Variants in L3MBTL4 observed in about 807,000 individuals in gnomAD.
The protein encoded by L3MBTL4 is lethal(3)malignant brain tumor-like protein 4.
Under a neutral mutation model 84.5 loss-of-function variants are expected in L3MBTL4, and 70 were observed. The ratio of observed to expected loss-of-function variants is 0.83; its 90% CI spans 0.68 to 1.01. L3MBTL4 has a LOEUF of 1.01. Among genes scored for constraint, L3MBTL4 ranks in the 50% least tolerant of loss-of-function variants. The pLI is 0.00. For synonymous variants in L3MBTL4, 274 were observed against 259.8 expected (o/e 1.05, Z -0.52); for missense variants, 715 against 754.8 (o/e 0.95, Z 0.62).
intron 17 of L3MBTL4, among the ~76,000 whole-genome samples, chr18:5,964,032 C>A (rs2052202745): frequency 1.3e-5 from 2 of 152,364 alleles, no homozygotes; most frequent in South Asian, 2.1e-4. Context: ...TGGCTCTGGG[C>A]AGTGCCTGGT....
intron 16 of L3MBTL4, among the ~76,000 whole-genome samples, chr18:6,002,179 C>A (rs1003189930): frequency 2.6e-5 from 4 of 152,088 alleles, no homozygotes; most frequent in African/African-American, 9.7e-5. Context: ...AATCATCAAC[C>A]TAGAATTCTA....
chr18:6,156,580 G>A lies in L3MBTL4; in HGVS notation c.1096+15248C>T, dbSNP rs78994933. Among the ~76,000 whole-genome samples the A allele has an allele frequency of 3.9e-3, 598 of 152,264 alleles. 4 individuals are homozygous for A. Among genetic ancestry groups the A allele is most frequent in the African/African-American group, 0.014 (580 of 41,546 alleles). ...TCTTCTGAAAGGGTTAAATCTCTCT[G>A]AGAAAAAGCTGAAAAGTCTCTGCGT... On this transcript the variant is annotated intron_variant, in intron 13 of 18. Coordinates refer to ENST00000317931, the MANE Select transcript of L3MBTL4 (RefSeq NM_001330559.2).
chr18:5,957,831 T>C (rs1364031021), intron 18 of L3MBTL4, among the ~76,000 whole-genome samples: 1 of 151,342 alleles, frequency 6.6e-6, no homozygotes, highest in African/African-American at 2.4e-5. Flanking sequence ...TAGCCAGGCG[T>C]AGTGGCATGC....
intron 16 of L3MBTL4, among the ~76,000 whole-genome samples, chr18:5,977,723 T>C (rs532673953): frequency 5.9e-5 from 9 of 152,082 alleles, no homozygotes; most frequent in Non-Finnish European, 1.3e-4. Context: ...ATCCCAGAAG[T>C]CTATCTTTAG....
chr18:6,060,605 T>A (rs2057180742), intron 16 of L3MBTL4, among the ~76,000 whole-genome samples: 1 of 152,118 alleles, frequency 6.6e-6, no homozygotes, highest in Non-Finnish European at 1.5e-5. Flanking sequence ...CAACTAAAAG[T>A]CCTTAGTTTA....
rs867799663 is a variant in L3MBTL4, at chr18:6,173,485, A to G, written c.982-1543T>C. On this transcript the variant is annotated intron_variant, in intron 12 of 18. Coordinates refer to ENST00000317931, the MANE Select transcript of L3MBTL4 (RefSeq NM_001330559.2). ...ATTGGAAAAGACAGAACTACAAAAA[A>G]GGGGGAACCAAAGGCAGGGTGCAGT... 5.9e-5 allele frequency among the ~76,000 whole-genome samples: 9 copies of G among 152,298 alleles called. No individual in the cohort carries two copies. The South Asian group carries it at 1.2e-3, about 21-fold the overall frequency.
chr18:6,093,067 G>A (rs1331811064), intron 15 of L3MBTL4, among the ~76,000 whole-genome samples: 1 of 152,104 alleles, frequency 6.6e-6, no homozygotes, highest in Non-Finnish European at 1.5e-5. Flanking sequence ...AGATAAAAGG[G>A]AATCTTTTGG....
chr18:6,388,546 G>T (rs1221884274), intron 1 of L3MBTL4, among the ~76,000 whole-genome samples: 1 of 152,196 alleles, frequency 6.6e-6, no homozygotes, highest in Admixed American at 6.5e-5. Flanking sequence ...AGTGGAGCCA[G>T]GGGATGCTGG....
chr18:5,954,922 TGTTTA>T lies in L3MBTL4; in HGVS notation c.*1293_*1297del, dbSNP rs2095218625. 6.6e-6 allele frequency: 1 copy of T among 152,186 alleles called. No individual in the cohort carries two copies. The allele number at this position is 152,186 out of a possible 1,614,324, so 9.4% of individuals were successfully genotyped here. A position where few individuals can be genotyped will look rare whatever the true frequency, so the allele number is the denominator to read the frequency against. Reference sequence around the variant, plus strand: ...TTATATATGCACACCTCTTAGAGTTTGTTTATTTTCTTCAGTGAAAAAAAAATGTA... The same window carrying T: ...TTATATATGCACACCTCTTAGAGTTTTTTTCTTCAGTGAAAAAAAAATGTA... On this transcript the variant is annotated 3_prime_UTR_variant, in exon 19 of 19. Coordinates refer to ENST00000317931, the MANE Select transcript of L3MBTL4 (RefSeq NM_001330559.2).
intron 13 of L3MBTL4, among the ~76,000 whole-genome samples, chr18:6,158,707 A>C (rs930992288): frequency 6.6e-6 from 1 of 152,214 alleles, no homozygotes; most frequent in African/African-American, 2.4e-5. Context: ...GAGATCCCAC[A>C]TGGCTACTTA....
chr18:6,011,895 A>G (rs1265016187), intron 16 of L3MBTL4, among the ~76,000 whole-genome samples: 1 of 152,232 alleles, frequency 6.6e-6, no homozygotes, highest in African/African-American at 2.4e-5. Context: ...ATTTTTAAGT[A>G]AAGGAAAAGT....
intron 5 of L3MBTL4, chr18:6,259,922 T>G (rs1484719192): frequency 2.0e-5 from 3 of 152,214 alleles, no homozygotes; most frequent in Non-Finnish European, 2.9e-5. Context: ...TAGTTTGAGG[T>G]CTTACATTTA....
chr18:6,160,588 C>T (rs1049580963), intron 13 of L3MBTL4, among the ~76,000 whole-genome samples: 2 of 151,932 alleles, frequency 1.3e-5, no homozygotes, highest in Admixed American at 6.6e-5. Context: ...AAAAATTAGC[C>T]GGGCTTGGTG....
intron 9 of L3MBTL4, 64 bp from the exon 10 acceptor site, chr18:6,238,104 T>C: frequency 7.2e-7 from 1 of 1,379,320 alleles, no homozygotes; most frequent in South Asian, 1.2e-5. Flanking sequence ...AATTCAAGAG[T>C]AACAATCATT....
intron 12 of L3MBTL4, among the ~76,000 whole-genome samples, chr18:6,192,916 C>T (rs897530362): frequency 2.6e-5 from 4 of 151,612 alleles, no homozygotes; most frequent in Non-Finnish European, 5.9e-5. Flanking sequence ...GGAGTTCATG[C>T]CGTGTAAAGA....
intron 1 of L3MBTL4, among the ~76,000 whole-genome samples, chr18:6,338,675 A>G (rs1261365822): frequency 6.6e-6 from 1 of 152,086 alleles, no homozygotes; most frequent in Non-Finnish European, 1.5e-5. Flanking sequence ...AAGGAGTCAA[A>G]TACTCTAATT....
chr18:6,369,117 C>T (rs773598790), intron 1 of L3MBTL4, among the ~76,000 whole-genome samples: 8 of 151,316 alleles, frequency 5.3e-5, no homozygotes, highest in Non-Finnish European at 7.4e-5. Flanking sequence ...AGAAGGTGAG[C>T]GAGGGCTGCA....
At chr18:6,278,052 AT>A (rs1229462090) in intron 4 of L3MBTL4, among the ~76,000 whole-genome samples, 1 of 152,048 alleles carries the variant, frequency 6.6e-6, no homozygotes, top group Non-Finnish European at 1.5e-5. Flanking sequence ...ATATATATGT[AT>A]TTTTTAATCT....
At chr18:6,293,542 G>A (rs1374943052) in intron 4 of L3MBTL4, among the ~76,000 whole-genome samples, 1 of 151,542 alleles carries the variant, frequency 6.6e-6, no homozygotes, top group Non-Finnish European at 1.5e-5. Flanking sequence ...AAAGAAATTT[G>A]TAAAAAAAAA....
Sources: gnomAD v4.1 joint callset for allele counts (sites outside exome capture counted in the v4.1 genomes callset) on GRCh38, gnomAD v4.1.1 for gene constraint, MANE v1.5 for transcripts, NCBI Gene and HGNC (gene_info 2026-07-23, HGNC 2026-07-21) for gene names.